DAP3: variants seen among roughly 807,000 people sequenced by gnomAD.
The protein encoded by DAP3 is death associated protein 3.
DAP3 carries 28 observed loss-of-function variants against 51.9 expected under a neutral mutation model. The ratio of observed to expected loss-of-function variants is 0.54; its 90% CI spans 0.40 to 0.74. The LOEUF is 0.74. Among genes scored for constraint, DAP3 ranks in the 30% least tolerant of loss-of-function variants. DAP3 has a pLI of 0.00. For synonymous variants in DAP3, 170 were observed against 170.3 expected, an observed-to-expected ratio of 1.00 and a Z score of 0.01; for missense variants, 458 against 483.5, an observed-to-expected ratio of 0.95 and a Z score of 0.49.
chr1:155,705,089 C>G (rs1420325629), intron 1 of DAP3, among the ~76,000 whole-genome samples: 1 of 151,832 alleles, frequency 6.6e-6, no homozygotes, highest in Non-Finnish European at 1.5e-5. Context: ...TCCAGGAGTT[C>G]AAGACCATCG....
chr1:155,713,174 C>T (rs1353655492), intron 2 of DAP3, among the ~76,000 whole-genome samples: 1 of 152,184 alleles, frequency 6.6e-6, no homozygotes, highest in African/African-American at 2.4e-5. Flanking sequence ...TTATACCTCA[C>T]ACTTAATTGG....
chr1:155,719,765 T>G (rs1339229552), intron 3 of DAP3, among the ~76,000 whole-genome samples: 2 of 151,712 alleles, frequency 1.3e-5, no homozygotes, highest in African/African-American at 2.4e-5. Context: ...GCCAGGCTGG[T>G]CTTGAACTCC....
intron 1 of DAP3, among the ~76,000 whole-genome samples, chr1:155,707,783 TA>T (rs1656185963): frequency 6.6e-6 from 1 of 152,186 alleles, no homozygotes; most frequent in Non-Finnish European, 1.5e-5. Context: ...CCCAAATAAT[TA>T]ATGAAGCTTT....
At position 155,730,248 on chromosome 1, in the gene DAP3, C is replaced by T. The variant is rs575675875; in HGVS notation, c.843+882C>T. 1.8e-4 allele frequency among the ~76,000 whole-genome samples: 23 copies of T among 128,314 alleles called. No homozygotes were observed. The East Asian group carries it at 2.4e-3, about 13-fold the overall frequency. 84.2% of individuals were successfully genotyped at this position (128,314 alleles called of 152,430 possible). A position where few individuals can be genotyped will look rare whatever the true frequency, so the allele number is the denominator to read the frequency against. ...TCATATATGTATATATGTATATATA[C>T]GTATATATGCACACATACATATTCG... On this transcript the variant is annotated intron_variant, in intron 9 of 12. Transcript: ENST00000368336.
chr1:155,699,669 A>C (rs935263690), intron 1 of DAP3, among the ~76,000 whole-genome samples: 2 of 152,096 alleles, frequency 1.3e-5, no homozygotes, highest in African/African-American at 4.8e-5. Context: ...GCTGGAGTGC[A>C]GTGGTGTGAT....
At chr1:155,703,034 C>G (rs1018088610) in intron 1 of DAP3, among the ~76,000 whole-genome samples, 2 of 152,132 alleles carry the variant, frequency 1.3e-5, no homozygotes, top group Non-Finnish European at 2.9e-5. Flanking sequence ...CAATACCACA[C>G]TATCTTGATT....
chr1:155,692,485 A>T lies in DAP3; in HGVS notation c.-8+3311A>T, dbSNP rs1342642604. Reference sequence around the variant, plus strand: ...TCTGCAGACTAAAAGCAAACAGCATAAACAGGTACACATTAAAGCAAAATT... The same window carrying T: ...TCTGCAGACTAAAAGCAAACAGCATTAACAGGTACACATTAAAGCAAAATT... On this transcript the variant is annotated intron_variant, in intron 1 of 12. Transcript: ENST00000368336. 2.1e-5 allele frequency among the ~76,000 whole-genome samples: 3 copies of T among 142,058 alleles called. 1 individual carries two copies. The highest frequency in any genetic ancestry group is 9.5e-5 in the African/African-American group (3 of 31,520). 93.2% of individuals were successfully genotyped at this position (142,058 alleles called of 152,430 possible).
rs1489865873 is a variant in DAP3 at position 155,733,858 on chromosome 1, A to T, written c.993+1825A>T. Among the ~76,000 whole-genome samples the T allele has an allele frequency of 2.0e-5, 3 of 151,774 alleles. No homozygotes were observed. In the East Asian group the frequency reaches 5.8e-4, roughly 29 times the overall value. On this transcript the variant is annotated intron_variant, in intron 11 of 12. Coordinates refer to ENST00000368336, the MANE Select transcript of DAP3 (RefSeq NM_004632.4). ...TCTCAAGAAAAACAAAAAACAAAAA[A>T]ACAATTCCTTCATGGCCAGGCTTGG...
At chr1:155,733,018 C>T (rs981395432) in intron 11 of DAP3, among the ~76,000 whole-genome samples, 5 of 152,184 alleles carry the variant, frequency 3.3e-5, no homozygotes, top group East Asian at 1.9e-4. Context: ...AGCGAGACTC[C>T]GTCTCAAAAA....
chr1:155,707,412 CAAA>C (rs199683444), intron 1 of DAP3, among the ~76,000 whole-genome samples: 1 of 91,526 alleles, frequency 1.1e-5, no homozygotes. Context: ...GACTCCGTCT[CAAA>C]AAAAAAAAAA....
chr1:155,700,637 C>T (rs1442690791), intron 1 of DAP3, among the ~76,000 whole-genome samples: 1 of 143,742 alleles, frequency 7.0e-6, no homozygotes, highest in Non-Finnish European at 1.5e-5. Flanking sequence ...CCGGCCGCCC[C>T]TACTGGGAAG....
At chr1:155,712,973 C>A (rs1264154935) in intron 2 of DAP3, among the ~76,000 whole-genome samples, 1 of 152,048 alleles carries the variant, frequency 6.6e-6, no homozygotes, top group Non-Finnish European at 1.5e-5. Flanking sequence ...AGTAACAAGC[C>A]TTGTATTCTC....
intron 1 of DAP3, among the ~76,000 whole-genome samples, chr1:155,703,577 G>A (rs912142279): frequency 1.3e-4 from 20 of 152,238 alleles, no homozygotes; most frequent in Admixed American, 7.8e-4. Flanking sequence ...TTGCTCTGTC[G>A]CCCAGACTGG....
chr1:155,734,876 CTCTAA>C (rs1438530100), intron 11 of DAP3, among the ~76,000 whole-genome samples: 2 of 152,152 alleles, frequency 1.3e-5, no homozygotes, highest in Admixed American at 1.3e-4. Flanking sequence ...ATATCTGTAA[CTCTAA>C]TCTAAAATAA....
Position 155,717,145 on chromosome 1 carries a change from T to A in DAP3, c.168+17T>A. On this transcript the variant is annotated intron_variant, in intron 3 of 12. Coordinates refer to ENST00000368336, the MANE Select transcript of DAP3 (RefSeq NM_004632.4). Reference sequence around the variant, plus strand: ...AATGACCCGGTGAGTTACTAATATGTATATGGGGTTTCTCAGGGCTTATGA... The same window carrying A: ...AATGACCCGGTGAGTTACTAATATGAATATGGGGTTTCTCAGGGCTTATGA... 1 of 1,607,842 alleles carries A rather than the reference T, an allele frequency of 6.2e-7. No homozygotes were observed. The highest frequency in any genetic ancestry group is 1.7e-5 in the Admixed American group (1 of 58,454).
chr1:155,714,908 A>G (rs1657147716), intron 2 of DAP3, among the ~76,000 whole-genome samples: 1 of 151,926 alleles, frequency 6.6e-6, no homozygotes. Context: ...TGCACTCAAA[A>G]AGCTGCTTGG....
Position 155,725,445 on chromosome 1 carries a change from C to G in DAP3, c.334C>G (p.Leu112Val), listed in dbSNP as rs748979582. ...ACCAGCCCTAGAACTTCTGCATTACCTGAAAAACACCAGTTTTGCTTATCC... is the reference window on the plus strand; with the variant it reads ...ACCAGCCCTAGAACTTCTGCATTACGTGAAAAACACCAGTTTTGCTTATCC... ...RKPALELLHY[L>V]KNTSFAYPAI... The change falls in exon 5 of 13, where the codon CTG (leucine) becomes GTG (valine). Residue 112 changes from leucine to valine, a missense_variant. Physicochemically the swap from Leu to Val is conservative, Grantham distance 32. Transcript: ENST00000368336. 11 of 1,614,158 alleles carry G rather than the reference C, an allele frequency of 6.8e-6. No homozygotes were observed. The South Asian group carries it at 1.2e-4, about 18-fold the overall frequency.
At chr1:155,714,178 T>A (rs1657055831) in intron 2 of DAP3, among the ~76,000 whole-genome samples, 1 of 152,230 alleles carries the variant, frequency 6.6e-6, no homozygotes, top group African/African-American at 2.4e-5. Flanking sequence ...TGGTCTAGAT[T>A]GTTATGCTAA....
At position 155,713,063 on chromosome 1, in the gene DAP3, G is replaced by A. The variant is rs1258576814; in HGVS notation, c.45+3239G>A. 2.0e-5 allele frequency among the ~76,000 whole-genome samples: 3 copies of A among 152,124 alleles called. No individual in the cohort carries two copies. In the East Asian group the frequency reaches 5.8e-4, roughly 29 times the overall value. ...TTTTGCTGTTCCTGTCTTTCAAAAAGGCTTTGCAAGCAAGACTGAAGTCTG... is the reference window on the plus strand; with the variant it reads ...TTTTGCTGTTCCTGTCTTTCAAAAAAGCTTTGCAAGCAAGACTGAAGTCTG... On this transcript the variant is annotated intron_variant, in intron 2 of 12. Coordinates refer to ENST00000368336, the MANE Select transcript of DAP3 (RefSeq NM_004632.4).
Sources: gnomAD v4.1 joint callset for allele counts (sites outside exome capture counted in the v4.1 genomes callset) on GRCh38, gnomAD v4.1.1 for gene constraint, MANE v1.5 for transcripts, NCBI Gene and HGNC (gene_info 2026-07-23, HGNC 2026-07-21) for gene names.